VAV3: variants seen among roughly 807,000 people sequenced by gnomAD.
VAV3 encodes vav guanine nucleotide exchange factor 3, also known as guanine nucleotide exchange factor VAV3.
A neutral mutation model predicts 131.2 loss-of-function variants in VAV3; 94 were observed. That is an observed-to-expected ratio of 0.72 (90% CI 0.61 to 0.85). The LOEUF is 0.85. Among genes scored for constraint, VAV3 ranks in the 40% least tolerant of loss-of-function variants. The pLI is 0.00. For missense variants in VAV3, 939 were observed against 1,002.7 expected (o/e 0.94, Z 0.86); for synonymous variants, 349 against 342.0 (o/e 1.02, Z -0.22).
chr1:107,788,168 C>T (rs1045588589), intron 2 of VAV3, among the ~76,000 whole-genome samples: 2 of 152,052 alleles, frequency 1.3e-5, no homozygotes, highest in Non-Finnish European at 2.9e-5. Flanking sequence ...TACAATTTCA[C>T]TCCCTTCAAT....
At chr1:107,669,176 G>A in intron 19 of VAV3, 11 of 1,089,184 alleles carry the variant, frequency 1.0e-5, no homozygotes, top group African/African-American at 1.7e-5. Context: ...AAAACCTCCT[G>A]CTATTCCACT....
At chr1:107,660,333 T>A (rs1656917637) in intron 19 of VAV3, among the ~76,000 whole-genome samples, 1 of 152,218 alleles carries the variant, frequency 6.6e-6, no homozygotes, top group South Asian at 2.1e-4. Flanking sequence ...TATATAATTG[T>A]TATTTTCATC....
rs541884883 is a variant in VAV3 at position 107,710,734 on chromosome 1, T to C, written c.1503-5673A>G. On this transcript the variant is annotated intron_variant, in intron 15 of 26. Transcript: ENST00000370056. ...TTAAAATCATTTAAAATAATATGGA[T>C]AGTTTATCGCCAGGATAGTTAGCGA... Among the ~76,000 whole-genome samples the C allele has an allele frequency of 7.9e-5, 12 of 152,258 alleles. No individual in the cohort carries two copies. The South Asian group carries it at 2.5e-3, about 32-fold the overall frequency.
intron 6 of VAV3, among the ~76,000 whole-genome samples, chr1:107,770,035 G>A (rs1357209256): frequency 2.0e-5 from 3 of 151,992 alleles, no homozygotes; most frequent in African/African-American, 2.4e-5. Context: ...CAATGTCCTT[G>A]CATGGCCTAG....
At chr1:107,664,891 G>T (rs1447335254) in intron 19 of VAV3, among the ~76,000 whole-genome samples, 1 of 152,218 alleles carries the variant, frequency 6.6e-6, no homozygotes, top group African/African-American at 2.4e-5. Flanking sequence ...AAGTCATTTT[G>T]TTCAGAAACA....
intron 2 of VAV3, among the ~76,000 whole-genome samples, chr1:107,806,743 A>G (rs996188385): frequency 1.3e-5 from 2 of 151,984 alleles, no homozygotes; most frequent in Non-Finnish European, 2.9e-5. Context: ...AGTGCATTTT[A>G]TTTTCTAGGC....
At chr1:107,843,064 C>G (rs145615580) in intron 2 of VAV3, among the ~76,000 whole-genome samples, 85 of 152,168 alleles carry the variant, frequency 5.6e-4, no homozygotes, top group African/African-American at 1.9e-3. Context: ...TGAAGTCCAC[C>G]TTTACTCCGC....
chr1:107,939,725 T>C (rs531566852), intron 1 of VAV3, among the ~76,000 whole-genome samples: 1 of 152,238 alleles, frequency 6.6e-6, no homozygotes, highest in South Asian at 2.1e-4. Flanking sequence ...GACAAAATCC[T>C]GAATGCAGGA....
At chr1:107,642,211 G>C (rs968166935) in intron 20 of VAV3, among the ~76,000 whole-genome samples, 1 of 152,052 alleles carries the variant, frequency 6.6e-6, no homozygotes, top group African/African-American at 2.4e-5. Context: ...ACAAGATACA[G>C]GTCATAAAGA....
chr1:107,656,057 T>TA (rs1467511427), intron 19 of VAV3, among the ~76,000 whole-genome samples: 1 of 151,998 alleles, frequency 6.6e-6, no homozygotes. Flanking sequence ...ATCAAAAAAC[T>TA]AAAAAATACA....
intron 1 of VAV3, among the ~76,000 whole-genome samples, chr1:107,891,782 T>C (rs1671320340): frequency 7.2e-6 from 1 of 138,158 alleles, no homozygotes; most frequent in Non-Finnish European, 1.5e-5. Context: ...GAGGTTGCAG[T>C]GTGCGGAGAC....
At chr1:107,805,559 C>T (rs1667021093) in intron 2 of VAV3, among the ~76,000 whole-genome samples, 1 of 152,106 alleles carries the variant, frequency 6.6e-6, no homozygotes, top group Non-Finnish European at 1.5e-5. Flanking sequence ...TTATGAATTG[C>T]TTTTCTGTGT....
intron 1 of VAV3, among the ~76,000 whole-genome samples, chr1:107,950,890 GGA>G (rs1182902310): frequency 6.6e-6 from 1 of 152,114 alleles, no homozygotes; most frequent in African/African-American, 2.4e-5. Flanking sequence ...GTTAGAGAGA[GGA>G]GAGAGAGCAA....
At chr1:107,716,768 G>T (rs1407786225) in intron 15 of VAV3, among the ~76,000 whole-genome samples, 1 of 152,158 alleles carries the variant, frequency 6.6e-6, no homozygotes, top group South Asian at 2.1e-4. Flanking sequence ...GAGTTAGGGA[G>T]GATTCCCTCT....
At chr1:107,795,743 A>T (rs1416132391) in intron 2 of VAV3, among the ~76,000 whole-genome samples, 1 of 152,250 alleles carries the variant, frequency 6.6e-6, no homozygotes, top group Non-Finnish European at 1.5e-5. Context: ...GTTTAGAAAC[A>T]GAAATGTGAG....
At chr1:107,926,028 T>C (rs547473483) in intron 1 of VAV3, among the ~76,000 whole-genome samples, 1 of 151,956 alleles carries the variant, frequency 6.6e-6, no homozygotes, top group African/African-American at 2.4e-5. Context: ...GCCTGTAATC[T>C]CAGCACTTTG....
intron 25 of VAV3, among the ~76,000 whole-genome samples, chr1:107,583,018 C>T (rs1188305730): frequency 6.6e-6 from 1 of 152,150 alleles, no homozygotes; most frequent in East Asian, 1.9e-4. Flanking sequence ...AACTAGTTTA[C>T]AGTCCCACCA....
chr1:107,694,426 G>A (rs528223397), intron 17 of VAV3, among the ~76,000 whole-genome samples: 1 of 152,242 alleles, frequency 6.6e-6, no homozygotes, highest in Admixed American at 6.5e-5. Flanking sequence ...TCTGTGAATT[G>A]CTTCATTTTC....
In VAV3 at chr1:107,918,705, A is replaced by ATAT. The variant is rs1274987055; in HGVS notation, c.205-43689_205-43688insATA. Among the ~76,000 whole-genome samples the ATAT allele has an allele frequency of 4.9e-3, 377 of 76,988 alleles. 2 individuals are homozygous for ATAT. The highest frequency in any genetic ancestry group is 9.8e-3 in the South Asian group (26 of 2,660). 50.5% of individuals were successfully genotyped at this position (76,988 alleles called of 152,430 possible). On this transcript the variant is annotated intron_variant, in intron 1 of 26. Transcript: ENST00000370056. ...TTAAGGCATATATATATATATATAT[A>ATAT]TTTTTTTTTTTTTTTGAGAGATGGA...
Sources: allele counts gnomAD v4.1 joint callset (sites outside exome capture counted in the v4.1 genomes callset), GRCh38; gene constraint gnomAD v4.1.1; transcripts MANE v1.5; gene names NCBI Gene and HGNC (gene_info 2026-07-23, HGNC 2026-07-21).